The following FHIT variants were observed in gnomAD, a reference collection of about 807,000 sequenced individuals.
The protein encoded by FHIT is bis(5'-adenosyl)-triphosphatase.
FHIT carries 19 observed loss-of-function variants against 17.9 expected under a neutral mutation model. That is an observed-to-expected ratio of 1.06 (90% CI 0.74 to 1.56). The LOEUF (loss-of-function observed/expected upper bound fraction) is 1.56. FHIT is among the 40% of genes most tolerant of loss of function. The probability of loss-of-function intolerance (pLI) is 0.00; values close to 1 mark genes in which losing one functional copy is unlikely to be tolerated. For synonymous variants in FHIT, 81 were observed against 69.7 expected, an observed-to-expected ratio of 1.16 and a Z score of -0.81; for missense variants, 248 against 189.2, an observed-to-expected ratio of 1.31 and a Z score of -1.82.
intron 5 of FHIT, among the ~76,000 whole-genome samples, chr3:60,305,211 A>G (rs1708618092): frequency 6.6e-6 from 1 of 152,142 alleles, no homozygotes; most frequent in African/African-American, 2.4e-5. Context: ...ATGAAAGGAC[A>G]TAATAAATAG....
intron 4 of FHIT, among the ~76,000 whole-genome samples, chr3:60,722,464 C>T (rs939180598): frequency 2.6e-5 from 4 of 152,188 alleles, no homozygotes. Context: ...TTAAGCTGCA[C>T]TATAAATATT....
chr3:60,884,114 G>A (rs1308211954), intron 3 of FHIT, among the ~76,000 whole-genome samples: 2 of 152,162 alleles, frequency 1.3e-5, no homozygotes, highest in African/African-American at 4.8e-5. Context: ...ATGAAAAAAT[G>A]CTCAGCATCC....
intron 4 of FHIT, among the ~76,000 whole-genome samples, chr3:60,652,683 G>A (rs1553688586): frequency 1.4e-5 from 2 of 141,152 alleles, no homozygotes; most frequent in African/African-American, 5.4e-5. Flanking sequence ...AGCTGAGATT[G>A]TGCCACTGCA....
chr3:60,285,690 G>C (rs1196788169), intron 5 of FHIT, among the ~76,000 whole-genome samples: 1 of 152,166 alleles, frequency 6.6e-6, no homozygotes, highest in Non-Finnish European at 1.5e-5. Context: ...AGAAGACTGA[G>C]AAAGTCTTGT....
In FHIT at chr3:59,960,833, C is replaced by A. The variant is rs576051030; in HGVS notation, c.280-38419G>T. On this transcript the variant is annotated intron_variant, in intron 7 of 9. Transcript: ENST00000492590. ...TGTTTTATACTATGTATCCCTATAACCACTCCAACTTTTGTAGAATGAGGA... is the reference window on the plus strand; with the variant it reads ...TGTTTTATACTATGTATCCCTATAAACACTCCAACTTTTGTAGAATGAGGA... Among the ~76,000 whole-genome samples, 30 of 152,256 alleles carry A rather than the reference C, an allele frequency of 2.0e-4. No individual in the cohort carries two copies. The South Asian group carries it at 6.0e-3, about 31-fold the overall frequency.
rs188678423 is a variant in FHIT, at chr3:60,189,355, T to C, written c.104-175203A>G. ...TCCTTTTCAGTGAATAAATTGCATG[T>C]GGCAATGTAATTTTCTTAAAGTCAC... On this transcript the variant is annotated intron_variant, in intron 5 of 9. Transcript: ENST00000492590. Among the ~76,000 whole-genome samples, 460 of 152,320 alleles carry C rather than the reference T, an allele frequency of 3.0e-3. 3 individuals are homozygous for C. The highest frequency in any genetic ancestry group is 5.7e-3 in the Non-Finnish European group (387 of 68,026).
In FHIT at chr3:59,773,900, G is replaced by T. The variant is rs368059225; in HGVS notation, c.349-21579C>A. On this transcript the variant is annotated intron_variant, in intron 8 of 9. Transcript: ENST00000492590. ...TATTGCAGGTGTAAAGTACATACCA[G>T]ATTTAGGAGACACTGTGAAAAAGAC... is the stretch of plus-strand genomic sequence containing the variant. Among the ~76,000 whole-genome samples, 61 of 152,102 alleles carry T rather than the reference G, an allele frequency of 4.0e-4. 1 individual carries two copies. The highest frequency in any genetic ancestry group is 3.9e-4 in the Admixed American group (6 of 15,282).
intron 4 of FHIT, among the ~76,000 whole-genome samples, chr3:60,625,994 G>C (rs2039274771): frequency 1.3e-5 from 2 of 152,288 alleles, no homozygotes; most frequent in African/African-American, 2.4e-5. Context: ...TTGTTTAAAA[G>C]GTTTTTACCA....
At chr3:59,795,828 G>A (rs761422062) in intron 8 of FHIT, among the ~76,000 whole-genome samples, 14 of 152,222 alleles carry the variant, frequency 9.2e-5, no homozygotes, top group Non-Finnish European at 1.8e-4. Context: ...ATTGGAAAAA[G>A]TGGCTGCCAG....
At chr3:59,836,746 G>C (rs1488210114) in intron 8 of FHIT, among the ~76,000 whole-genome samples, 1 of 152,104 alleles carries the variant, frequency 6.6e-6, no homozygotes, top group African/African-American at 2.4e-5. Flanking sequence ...TAGGGAGAAA[G>C]AATGCCTGCC....
intron 5 of FHIT, among the ~76,000 whole-genome samples, chr3:60,534,439 CAAAAAAAAAAAAAA>C (rs563992117): frequency 3.1e-5 from 1 of 32,384 alleles, no homozygotes; most frequent in Non-Finnish European, 5.2e-5. Context: ...GACTCCGTCT[CAAAAAAAAAAAAAA>C]AAAAAAAAAA....
intron 3 of FHIT, among the ~76,000 whole-genome samples, chr3:60,987,317 G>A (rs1575800284): frequency 1.3e-5 from 2 of 152,168 alleles, no homozygotes; most frequent in Admixed American, 6.5e-5. Flanking sequence ...TAACACCCAA[G>A]CTGGAAGGTT....
Position 61,145,592 on chromosome 3 carries a change from T to A in FHIT, c.-164+55025A>T, listed in dbSNP as rs529574563. Among the ~76,000 whole-genome samples the A allele has an allele frequency of 9.5e-4, 144 of 152,240 alleles. 1 individual carries two copies. The highest frequency in any genetic ancestry group is 3.3e-3 in the African/African-American group (139 of 41,580). On this transcript the variant is annotated intron_variant, in intron 2 of 9. Transcript: ENST00000492590. The stretch of plus-strand genomic sequence containing the variant: ...AGCTGGGATTTTTAAAGGGATTCCA[T>A]TAAATACATAGATCATTTTGGCCAG...
At chr3:60,749,316 C>T (rs1240008331) in intron 4 of FHIT, among the ~76,000 whole-genome samples, 7 of 151,732 alleles carry the variant, frequency 4.6e-5, no homozygotes, top group African/African-American at 9.7e-5. Context: ...GTTTTTTTTC[C>T]GCATCTGTTG....
chr3:60,426,075 T>C (rs968965140), intron 5 of FHIT, among the ~76,000 whole-genome samples: 1 of 152,144 alleles, frequency 6.6e-6, no homozygotes, highest in African/African-American at 2.4e-5. Context: ...ATTAATGCAA[T>C]GGTCAAGAGC....
intron 2 of FHIT, among the ~76,000 whole-genome samples, chr3:61,161,048 G>A (rs1320863406): frequency 6.6e-6 from 1 of 151,542 alleles, no homozygotes; most frequent in Non-Finnish European, 1.5e-5. Context: ...TACTATTAGA[G>A]GCCTGATTTA....
chr3:61,135,581 G>T (rs1429659670), intron 2 of FHIT, among the ~76,000 whole-genome samples: 2 of 100,454 alleles, frequency 2.0e-5, no homozygotes, highest in East Asian at 1.4e-3. Context: ...CCTTGTGTTC[G>T]AACACACACA....
intron 8 of FHIT, among the ~76,000 whole-genome samples, chr3:59,797,078 A>G (rs1309195966): frequency 6.6e-6 from 1 of 152,166 alleles, no homozygotes; most frequent in Admixed American, 6.5e-5. Context: ...AAGTTCTAAC[A>G]CTATTTTTGG....
chr3:60,841,683 C>A (rs1002897550), intron 3 of FHIT, among the ~76,000 whole-genome samples: 1 of 152,086 alleles, frequency 6.6e-6, no homozygotes, highest in African/African-American at 2.4e-5. Context: ...AACAAGAAAC[C>A]GCAAATGAAG....
Sources: gnomAD v4.1 joint callset for allele counts (sites outside exome capture counted in the v4.1 genomes callset) on GRCh38, gnomAD v4.1.1 for gene constraint, MANE v1.5 for transcripts, NCBI Gene and HGNC (gene_info 2026-07-23, HGNC 2026-07-21) for gene names.